Variants in RNASE4 observed in about 807,000 individuals in gnomAD.
The protein encoded by RNASE4 is ribonuclease 4.
For missense variants in RNASE4, 194 were observed against 192.8 expected, an observed-to-expected ratio of 1.01 and a Z score of -0.04; for synonymous variants, 93 against 71.4, an observed-to-expected ratio of 1.30 and a Z score of -1.52.
In RNASE4 at chr14:20,701,122, T is replaced by C. The variant is rs1442607433; in HGVS notation, c.*1307T>C. On this transcript the variant is annotated 3_prime_UTR_variant, in exon 2 of 2. Transcript: ENST00000555835. ...TTTCCCACTACCAACCCAAATCCTA[T>C]AAAACTGCCCCACCCCATCTCCCTT... 1.3e-5 allele frequency: 2 copies of C among 152,136 alleles called. No individual in the cohort carries two copies. The highest frequency in any genetic ancestry group is 4.8e-5 in the African/African-American group (2 of 41,422). The allele number at this position is 152,136 out of a possible 1,614,324, so 9.4% of individuals were successfully genotyped here. A position where few individuals can be genotyped will look rare whatever the true frequency, so the allele number is the denominator to read the frequency against.
chr14:20,695,110 G>A (rs1027692303), intron 1 of RNASE4, among the ~76,000 whole-genome samples: 10 of 152,058 alleles, frequency 6.6e-5, no homozygotes, highest in Admixed American at 1.3e-4. Flanking sequence ...AGTTATAGAA[G>A]ATTCCGGCCA....
intron 1 of RNASE4, among the ~76,000 whole-genome samples, chr14:20,690,902 C>G (rs1171202864): frequency 6.6e-6 from 1 of 152,226 alleles, no homozygotes. Flanking sequence ...CATCCACGAT[C>G]ACGTGGGTAA....
At chr14:20,689,380 T>A (rs1013518561) in intron 1 of RNASE4, among the ~76,000 whole-genome samples, 1 of 152,186 alleles carries the variant, frequency 6.6e-6, no homozygotes, top group Non-Finnish European at 1.5e-5. Context: ...AATAAAGGGA[T>A]GAATATGCCT....
chr14:20,688,691 C>G (rs996408973), intron 1 of RNASE4: 10 of 985,292 alleles, frequency 1.0e-5, no homozygotes, highest in Non-Finnish European at 1.2e-5. Flanking sequence ...TGTTCAAGAG[C>G]AGTGTCCTTG....
Position 20,693,973 on chromosome 14 carries a change from G to A in RNASE4, c.-17-5382G>A, listed in dbSNP as rs121909544. 2 of 1,614,096 alleles carry A rather than the reference G, an allele frequency of 1.2e-6. No individual in the cohort carries two copies. Among genetic ancestry groups the A allele is most frequent in the Non-Finnish European group, 1.7e-6 (2 of 1,180,028 alleles). On this transcript the variant is annotated intron_variant, in intron 1 of 1. Coordinates refer to ENST00000555835, the MANE Select transcript of RNASE4 (RefSeq NM_002937.5). ...TGTTGCTTGTGAAAATGGCTTACCT[G>A]TCCACTTGGATCAGTCAATTTTCCG...
At chr14:20,689,928 A>AAAAAC (rs1311536110) in intron 1 of RNASE4, among the ~76,000 whole-genome samples, 1 of 151,046 alleles carries the variant, frequency 6.6e-6, no homozygotes, top group Non-Finnish European at 1.5e-5. Flanking sequence ...AAAAAAAAAA[A>AAAAAC]AAACAGGCCG....
At chr14:20,693,374 G>A (rs150823950) in intron 1 of RNASE4, 36 of 794,092 alleles carry the variant, frequency 4.5e-5, no homozygotes, top group Middle Eastern at 3.7e-4. Context: ...ACGTTCCGCA[G>A]GAAGGGATTG....
rs1286189138 is a variant in RNASE4, at chr14:20,690,968, G to A, written c.-18+6210G>A. ...CTGACAACAGGTCGGTCTTTATTTT[G>A]TGATATCCTTATGGGTAGATTCTGA... is the stretch of plus-strand genomic sequence containing the variant. On this transcript the variant is annotated intron_variant, in intron 1 of 1. Coordinates refer to ENST00000555835, the MANE Select transcript of RNASE4 (RefSeq NM_002937.5). Among the ~76,000 whole-genome samples the A allele has an allele frequency of 2.6e-5, 4 of 152,188 alleles. No homozygotes were observed. The East Asian group carries it at 7.7e-4, about 29-fold the overall frequency.
At chr14:20,686,625 G>A (rs112887595) in intron 1 of RNASE4, among the ~76,000 whole-genome samples, 191 of 152,328 alleles carry the variant, frequency 1.3e-3, no homozygotes, top group African/African-American at 4.0e-3. Flanking sequence ...AAAAGCAAAT[G>A]TTTAATTTTT....
At position 20,691,833 on chromosome 14, in the gene RNASE4, T is replaced by C. The variant is rs906147281; in HGVS notation, c.-18+7075T>C. The stretch of plus-strand genomic sequence containing the variant: ...AAATTAGAAAGAGAGCCCACTTTGC[T>C]CACCCAGTCACGTCTTCCCATGTAA... On this transcript the variant is annotated intron_variant, in intron 1 of 1. Transcript: ENST00000555835. 3.0e-4 allele frequency among the ~76,000 whole-genome samples: 46 copies of C among 152,258 alleles called. 2 individuals are homozygous for C. The highest frequency in any genetic ancestry group is 1.3e-4 in the Non-Finnish European group (9 of 68,046).
intron 1 of RNASE4, chr14:20,693,352 A>T: frequency 5.9e-6 from 4 of 674,338 alleles, no homozygotes; most frequent in Non-Finnish European, 7.5e-6. Flanking sequence ...TGCTCAGGAA[A>T]CTATTAAATA....
At chr14:20,685,518 A>T (rs1382078805) in intron 1 of RNASE4, among the ~76,000 whole-genome samples, 1 of 152,250 alleles carries the variant, frequency 6.6e-6, no homozygotes, top group Non-Finnish European at 1.5e-5. Context: ...TCCCAGAAGC[A>T]GCCTCAGGTA....
chr14:20,694,151 G>A, intron 1 of RNASE4: 1 of 860,026 alleles, frequency 1.2e-6, no homozygotes, highest in Non-Finnish European at 1.9e-6. Flanking sequence ...TTGACAACAT[G>A]TTTAATAAAT....
intron 1 of RNASE4, among the ~76,000 whole-genome samples, chr14:20,688,466 G>A (rs1420921320): frequency 6.6e-6 from 1 of 152,160 alleles, no homozygotes; most frequent in Non-Finnish European, 1.5e-5. Flanking sequence ...GATCAGAGAT[G>A]CTATCTTATG....
chr14:20,684,879 G>C (rs1594199624), intron 1 of RNASE4, 121 bp downstream of exon 1: 1 of 152,216 alleles, frequency 6.6e-6, no homozygotes, highest in Non-Finnish European at 1.5e-5. Flanking sequence ...TTTGCGGGAC[G>C]GGGCTGGAGA....
intron 1 of RNASE4, among the ~76,000 whole-genome samples, chr14:20,685,423 C>T (rs1242722983): frequency 6.6e-6 from 1 of 152,136 alleles, no homozygotes; most frequent in Non-Finnish European, 1.5e-5. Flanking sequence ...GACCCTCCCT[C>T]GTGACAGTAA....
chr14:20,694,147 A>G lies in RNASE4; in HGVS notation c.-17-5208A>G, dbSNP rs542458460. On this transcript the variant is annotated intron_variant, in intron 1 of 1. Transcript: ENST00000555835. ...TGGACCTTTTGTTTTCTGTTTGACA[A>G]CATGTTTAATAAATAAAAATGTCTT... 2.5e-4 allele frequency: 228 copies of G among 894,434 alleles called. 3 individuals are homozygous for G. In the African/African-American group the frequency reaches 3.5e-3, roughly 14 times the overall value. 55.4% of individuals were successfully genotyped at this position (894,434 alleles called of 1,614,324 possible). A position where few individuals can be genotyped will look rare whatever the true frequency, so the allele number is the denominator to read the frequency against.
intron 1 of RNASE4, among the ~76,000 whole-genome samples, chr14:20,686,913 A>G (rs1004711177): frequency 2.0e-5 from 3 of 152,236 alleles, no homozygotes; most frequent in African/African-American, 7.2e-5. Context: ...GAAGGAGGAA[A>G]GTGCTCTAAC....
At chr14:20,688,880 C>G (rs543547405) in intron 1 of RNASE4, 3 of 983,558 alleles carry the variant, frequency 3.1e-6, no homozygotes, top group South Asian at 9.4e-5. Flanking sequence ...CCTGGGTAAA[C>G]TATTGTTCAA....
Sources: gnomAD v4.1 joint callset for allele counts (sites outside exome capture counted in the v4.1 genomes callset) on GRCh38, gnomAD v4.1.1 for gene constraint, MANE v1.5 for transcripts, NCBI Gene and HGNC (gene_info 2026-07-23, HGNC 2026-07-21) for gene names.